Variants in GALNTL6 observed in about 807,000 individuals in gnomAD.
GALNTL6 encodes polypeptide N-acetylgalactosaminyltransferase like 6.
In GALNTL6, 46 loss-of-function variants were observed where a neutral mutation model predicts 73.7. That is an observed-to-expected ratio of 0.62 (90% CI 0.49 to 0.80). The LOEUF (loss-of-function observed/expected upper bound fraction) is 0.80. Among genes scored for constraint, GALNTL6 ranks in the 30% least tolerant of loss-of-function variants. The pLI, the probability that GALNTL6 is intolerant of heterozygous loss-of-function variation, is 0.00. For synonymous variants in GALNTL6, 259 were observed against 263.7 expected, an observed-to-expected ratio of 0.98 and a Z score of 0.17; for missense variants, 604 against 755.0, an observed-to-expected ratio of 0.80 and a Z score of 2.34.
intron 5 of GALNTL6, among the ~76,000 whole-genome samples, chr4:172,567,769 G>A (rs1318970453): frequency 6.6e-6 from 1 of 152,192 alleles, no homozygotes; most frequent in Non-Finnish European, 1.5e-5. Flanking sequence ...CTGGTAGGTA[G>A]AGGTTGCAGT....
At chr4:172,842,891 C>T (rs927518369) in intron 7 of GALNTL6, among the ~76,000 whole-genome samples, 1 of 152,032 alleles carries the variant, frequency 6.6e-6, no homozygotes, top group Non-Finnish European at 1.5e-5. Context: ...ACAGCGGCTC[C>T]AACACACAGT....
Position 172,751,294 on chromosome 4 carries a change from T to C in GALNTL6, c.554-58067T>C, listed in dbSNP as rs77612997. Among the ~76,000 whole-genome samples, 63 of 152,330 alleles carry C rather than the reference T, an allele frequency of 4.1e-4. No individual in the cohort carries two copies. In the East Asian group the frequency reaches 0.012, roughly 28 times the overall value. On this transcript the variant is annotated intron_variant, in intron 5 of 12. Coordinates refer to ENST00000506823, the MANE Select transcript of GALNTL6 (RefSeq NM_001034845.3). Reference sequence around the variant, plus strand: ...TAAAAAAAAGAATTGTGATTTTAACTGTAGGTGTTTAGATCAAAGATCAAA... The same window carrying C: ...TAAAAAAAAGAATTGTGATTTTAACCGTAGGTGTTTAGATCAAAGATCAAA...
At chr4:172,448,023 A>G (rs1333302945) in intron 5 of GALNTL6, among the ~76,000 whole-genome samples, 2 of 152,128 alleles carry the variant, frequency 1.3e-5, no homozygotes, top group African/African-American at 2.4e-5. Context: ...AATTGAGTTG[A>G]CTTATTTTTT....
chr4:171,927,023 C>A (rs990886834), intron 2 of GALNTL6, among the ~76,000 whole-genome samples: 2 of 151,202 alleles, frequency 1.3e-5, no homozygotes, highest in Admixed American at 1.3e-4. Context: ...TTAACCTATA[C>A]GTAATTTTTT....
At chr4:172,222,155 T>G (rs951008991) in intron 2 of GALNTL6, among the ~76,000 whole-genome samples, 2 of 151,700 alleles carry the variant, frequency 1.3e-5, no homozygotes, top group Non-Finnish European at 2.9e-5. Flanking sequence ...CAGAAATTTC[T>G]CAGAAGCACA....
intron 5 of GALNTL6, among the ~76,000 whole-genome samples, chr4:172,556,271 A>G (rs1387419113): frequency 6.6e-6 from 1 of 151,928 alleles, no homozygotes; most frequent in East Asian, 1.9e-4. Flanking sequence ...TAGGTAGGAG[A>G]TCTTCCTGTT....
intron 4 of GALNTL6, among the ~76,000 whole-genome samples, chr4:172,342,900 A>G (rs1266909935): frequency 6.6e-6 from 1 of 152,174 alleles, no homozygotes; most frequent in Non-Finnish European, 1.5e-5. Context: ...TTAGGGATAC[A>G]TCATCTAATT....
In GALNTL6 at chr4:172,952,054, T is replaced by C; in HGVS notation, c.1167T>C (p.Ala389=). The C allele has an allele frequency of 2.5e-6, 4 of 1,613,528 alleles. No homozygotes were observed. The highest frequency in any genetic ancestry group is 1.1e-5 in the South Asian group (1 of 91,056). The change falls in exon 10 of 13, where the codon GCT becomes GCC. Residue 389 remains alanine (A), a synonymous_variant. Coordinates refer to ENST00000506823, the MANE Select transcript of GALNTL6 (RefSeq NM_001034845.3). Reference sequence around the variant, plus strand: ...CTGCACAGAACCTGAAGCGGGTAGCTGAGACCTGGATGGATGAATTTGCCG... The same window carrying C: ...CTGCACAGAACCTGAAGCGGGTAGCCGAGACCTGGATGGATGAATTTGCCG... ...TSLARNLKRV[A]ETWMDEFAEY...
intron 5 of GALNTL6, among the ~76,000 whole-genome samples, chr4:172,374,446 T>C (rs1742949226): frequency 6.6e-6 from 1 of 151,626 alleles, no homozygotes; most frequent in Admixed American, 6.6e-5. Context: ...TTAGAATCAA[T>C]TGACCCTTGA....
At chr4:172,356,905 A>C (rs1232768704) in intron 5 of GALNTL6, among the ~76,000 whole-genome samples, 3 of 152,192 alleles carry the variant, frequency 2.0e-5, no homozygotes, top group Admixed American at 2.0e-4. Flanking sequence ...TGAGAAACTG[A>C]AACAATTCTG....
chr4:172,720,725 C>G (rs1052043474), intron 5 of GALNTL6, among the ~76,000 whole-genome samples: 1 of 152,172 alleles, frequency 6.6e-6, no homozygotes, highest in African/African-American at 2.4e-5. Context: ...TCTGAGTGGC[C>G]TTATTCAATG....
chr4:172,868,822 T>C (rs995792501), intron 7 of GALNTL6, among the ~76,000 whole-genome samples: 6 of 152,160 alleles, frequency 3.9e-5, no homozygotes. Context: ...ATTGCACAAA[T>C]CTAAAATACT....
At chr4:172,885,627 C>T (rs1159965382) in intron 8 of GALNTL6, among the ~76,000 whole-genome samples, 1 of 152,144 alleles carries the variant, frequency 6.6e-6, no homozygotes, top group Non-Finnish European at 1.5e-5. Flanking sequence ...GCATCCTTGT[C>T]TTCTTCTAAA....
chr4:172,305,028 A>G (rs1740077266), intron 3 of GALNTL6, among the ~76,000 whole-genome samples: 2 of 152,152 alleles, frequency 1.3e-5, no homozygotes, highest in African/African-American at 4.8e-5. Context: ...TTGCTGGTTT[A>G]TAAGTTTTCC....
chr4:172,580,391 TAAAA>T (rs1482674999), intron 5 of GALNTL6, among the ~76,000 whole-genome samples: 1 of 152,196 alleles, frequency 6.6e-6, no homozygotes, highest in Non-Finnish European at 1.5e-5. Context: ...AACTTGTATT[TAAAA>T]AATCAACAAA....
At chr4:172,267,475 G>A (rs1224221391) in intron 3 of GALNTL6, among the ~76,000 whole-genome samples, 1 of 152,030 alleles carries the variant, frequency 6.6e-6, no homozygotes, top group East Asian at 1.9e-4. Flanking sequence ...GTTCTTTTAG[G>A]ACTCTGGAAT....
chr4:171,836,524 C>T (rs1266494635), intron 2 of GALNTL6, among the ~76,000 whole-genome samples: 1 of 152,078 alleles, frequency 6.6e-6, no homozygotes, highest in Non-Finnish European at 1.5e-5. Context: ...CACCCCAGTC[C>T]TTGTCATGTA....
At chr4:172,472,675 G>A (rs1199260834) in intron 5 of GALNTL6, among the ~76,000 whole-genome samples, 1 of 152,064 alleles carries the variant, frequency 6.6e-6, no homozygotes. Flanking sequence ...AAGACTATGC[G>A]AAGACTCAGA....
At chr4:172,073,186 C>A (rs1731598484) in intron 2 of GALNTL6, among the ~76,000 whole-genome samples, 1 of 152,094 alleles carries the variant, frequency 6.6e-6, no homozygotes, top group South Asian at 2.1e-4. Context: ...TCATAGAGAA[C>A]TTTCCCAGCT....
Sources: gnomAD v4.1 joint callset for allele counts (sites outside exome capture counted in the v4.1 genomes callset) on GRCh38, gnomAD v4.1.1 for gene constraint, MANE v1.5 for transcripts, NCBI Gene and HGNC (gene_info 2026-07-23, HGNC 2026-07-21) for gene names.